SHISA9: variants seen among roughly 807,000 people sequenced by gnomAD.
SHISA9 encodes the protein protein shisa-9.
A neutral mutation model predicts 38.0 loss-of-function variants in SHISA9; 13 were observed. That is an observed-to-expected ratio of 0.34 (90% CI 0.22 to 0.54). The LOEUF (loss-of-function observed/expected upper bound fraction) is 0.54. SHISA9 is among the 20% of genes least tolerant of loss of function. The pLI is 0.91. For missense variants in SHISA9, 538 were observed against 575.8 expected (o/e 0.93, Z 0.67); for synonymous variants, 275 against 242.0 (o/e 1.14, Z -1.27).
intron 2 of SHISA9, among the ~76,000 whole-genome samples, chr16:12,969,431 G>A (rs1263234693): frequency 6.6e-6 from 1 of 151,190 alleles, no homozygotes; most frequent in African/African-American, 2.4e-5. Context: ...CACTTATAAA[G>A]TGTACACTCT....
At chr16:13,012,764 C>T (rs1207694804) in intron 2 of SHISA9, among the ~76,000 whole-genome samples, 1 of 152,156 alleles carries the variant, frequency 6.6e-6, no homozygotes, top group Non-Finnish European at 1.5e-5. Context: ...GATACTTACA[C>T]CACTTGCCCA....
chr16:13,071,007 C>T (rs1008348266), intron 2 of SHISA9, among the ~76,000 whole-genome samples: 1 of 152,134 alleles, frequency 6.6e-6, no homozygotes, highest in Non-Finnish European at 1.5e-5. Context: ...CTTGAGTAAC[C>T]TTTCAGTTTG....
At chr16:13,300,030 G>T in the SHISA9 span, among the ~76,000 whole-genome samples, 39 of 152,050 alleles carry the variant, frequency 2.6e-4, no homozygotes, top group Admixed American at 3.9e-4. Context: ...TGCCACTTCC[G>T]TTCAACTCCC....
At chr16:13,400,361 C>T in the SHISA9 span, among the ~76,000 whole-genome samples, 1 of 109,592 alleles carries the variant, frequency 9.1e-6, no homozygotes. Context: ...TCCCTCTGTT[C>T]CAACACACAC....
At chr16:13,351,530 TCCCCA>T in the SHISA9 span, among the ~76,000 whole-genome samples, 1 of 152,032 alleles carries the variant, frequency 6.6e-6, no homozygotes, top group Non-Finnish European at 1.5e-5. Flanking sequence ...AGGTCCCATT[TCCCCA>T]CCCCACCCCT....
At chr16:13,287,765 G>A in the SHISA9 span, among the ~76,000 whole-genome samples, 1 of 152,182 alleles carries the variant, frequency 6.6e-6, no homozygotes, top group East Asian at 1.9e-4. Flanking sequence ...AGTGAGTGTT[G>A]TAGAAATTCA....
Position 13,051,926 on chromosome 16 carries a change from T to C in SHISA9, c.691+135111T>C, listed in dbSNP as rs147262210. ...ACTACAGGTGCCCGCCACCACACTC[T>C]TCTAATTTTTGTATTTTTAGTAGAG... On this transcript the variant is annotated intron_variant, in intron 2 of 4. Coordinates refer to ENST00000558583, the MANE Select transcript of SHISA9 (RefSeq NM_001145204.3). Among the ~76,000 whole-genome samples, 781 of 152,170 alleles carry C rather than the reference T, an allele frequency of 5.1e-3. 19 individuals are homozygous for C. The East Asian group carries it at 0.062, about 12-fold the overall frequency.
At chr16:13,329,688 C>T in the SHISA9 span, among the ~76,000 whole-genome samples, 1 of 152,174 alleles carries the variant, frequency 6.6e-6, no homozygotes, top group Admixed American at 6.5e-5. Context: ...CCCAGGACAA[C>T]CTGCTGGATG....
chr16:13,094,056 G>T (rs1596644069), intron 2 of SHISA9, among the ~76,000 whole-genome samples: 1 of 152,118 alleles, frequency 6.6e-6, no homozygotes. Context: ...GAGGCTGCTG[G>T]GGTCCCGGTG....
intron 4 of SHISA9, among the ~76,000 whole-genome samples, chr16:13,232,692 G>C (rs763660137): frequency 1.3e-5 from 2 of 152,156 alleles, no homozygotes; most frequent in Non-Finnish European, 2.9e-5. Context: ...AATTCGAAGG[G>C]GATGGTGAGT....
chr16:13,402,002 A>G, the SHISA9 span, among the ~76,000 whole-genome samples: 1 of 152,130 alleles, frequency 6.6e-6, no homozygotes, highest in South Asian at 2.1e-4. Flanking sequence ...CCATTACTCA[A>G]TTACCTCCCA....
In SHISA9 at chr16:13,017,021, C is replaced by G. The variant is rs578166563; in HGVS notation, c.691+100206C>G. 1.4e-3 allele frequency among the ~76,000 whole-genome samples: 206 copies of G among 149,074 alleles called. 2 individuals are homozygous for G. The highest frequency in any genetic ancestry group is 4.7e-3 in the African/African-American group (189 of 40,542). The stretch of plus-strand genomic sequence containing the variant: ...TCTTCTTCTTTTTTGTTTCTTTTTT[C>G]TTTCTTTTTTTTTTTTGAGACGGAG... On this transcript the variant is annotated intron_variant, in intron 2 of 4. Coordinates refer to ENST00000558583, the MANE Select transcript of SHISA9 (RefSeq NM_001145204.3).
intron 2 of SHISA9, among the ~76,000 whole-genome samples, chr16:13,129,848 A>G (rs946972223): frequency 6.6e-5 from 10 of 152,206 alleles, no homozygotes; most frequent in Admixed American, 6.5e-4. Flanking sequence ...ACTCAGATCT[A>G]TTGCTCTACT....
At chr16:12,911,093 A>G (rs1471781331) in intron 1 of SHISA9, 2 of 219,426 alleles carry the variant, frequency 9.1e-6, no homozygotes, top group Non-Finnish European at 1.5e-5. Context: ...GACACATGAC[A>G]CTAACCATCA....
chr16:13,348,301 C>G, the SHISA9 span, among the ~76,000 whole-genome samples: 1 of 152,084 alleles, frequency 6.6e-6, no homozygotes, highest in Non-Finnish European at 1.5e-5. Flanking sequence ...CAATGAGCAT[C>G]TCCTTTGAGC....
chr16:13,456,919 T>G, the SHISA9 span, among the ~76,000 whole-genome samples: 1 of 152,232 alleles, frequency 6.6e-6, no homozygotes, highest in Non-Finnish European at 1.5e-5. Context: ...ACACAAAACT[T>G]CAGGTTTGGA....
chr16:13,071,591 TCCTTCCTTCCCTTTCTTC>T (rs2073516737), intron 2 of SHISA9, among the ~76,000 whole-genome samples: 2 of 135,350 alleles, frequency 1.5e-5, no homozygotes, highest in African/African-American at 5.4e-5. Context: ...CTTCCTTCCT[TCCTTCCTTCCCTTTCTTC>T]CCTTCCTTCC....
chr16:13,499,284 G>A, the SHISA9 span, among the ~76,000 whole-genome samples: 2 of 152,162 alleles, frequency 1.3e-5, no homozygotes, highest in African/African-American at 4.8e-5. Context: ...CCAAAAATAG[G>A]AAAATGACGT....
At chr16:13,345,112 T>TA in the SHISA9 span, among the ~76,000 whole-genome samples, 1 of 152,194 alleles carries the variant, frequency 6.6e-6, no homozygotes, top group South Asian at 2.1e-4. Context: ...TTCTTTTTTT[T>TA]AAATTTTATT....
Sources: gnomAD v4.1 joint callset for allele counts (sites outside exome capture counted in the v4.1 genomes callset) on GRCh38, gnomAD v4.1.1 for gene constraint, MANE v1.5 for transcripts, NCBI Gene and HGNC (gene_info 2026-07-23, HGNC 2026-07-21) for gene names.